The following BNIP5 variants were observed in gnomAD, a reference collection of about 807,000 sequenced individuals.
BNIP5 encodes the protein BCL2 interacting protein 5.
Under a neutral mutation model 67.3 loss-of-function variants are expected in BNIP5, and 61 were observed. The ratio of observed to expected loss-of-function variants is 0.91; its 90% CI spans 0.74 to 1.12. The LOEUF (loss-of-function observed/expected upper bound fraction) is 1.12, where lower values mean the gene tolerates loss of function less well. Ranked by LOEUF, BNIP5 falls within the 50% of genes most tolerant of loss-of-function variation. BNIP5 has a pLI of 0.00. For missense variants in BNIP5, 826 were observed against 816.3 expected, an observed-to-expected ratio of 1.01 and a Z score of -0.14; for synonymous variants, 317 against 319.0, an observed-to-expected ratio of 0.99 and a Z score of 0.07.
At position 36,330,584 on chromosome 6, in the gene BNIP5, C is replaced by G; in HGVS notation, c.107G>C (p.Trp36Ser). 1 of 1,613,268 alleles carries G rather than the reference C, an allele frequency of 6.2e-7. No homozygotes were observed. Among genetic ancestry groups the G allele is most frequent in the Non-Finnish European group, 8.5e-7 (1 of 1,180,022 alleles). Residue 36 changes from tryptophan to serine, a missense_variant, in exon 2 of 12, where the codon TGG becomes TCG. Trp to Ser is a radical substitution (Grantham distance 177). Transcript: ENST00000437635. Reference protein sequence around the residue: ...GKGSESWDCHWLSLPTAPSRK... With the variant: ...GKGSESWDCHSLSLPTAPSRK... ...GGAGGGGGCAGTGGGCAGGGAGAGC[C>G]AATGGCAGTCCCACGACTCCGAGCC...
At chr6:36,328,407 C>T (rs1194304079) in intron 3 of BNIP5, among the ~76,000 whole-genome samples, 191 bp downstream of exon 3, 1 of 152,120 alleles carries the variant, frequency 6.6e-6, no homozygotes, top group African/African-American at 2.4e-5. Context: ...TTTCCAATTC[C>T]CCAGCCTCCC....
intron 10 of BNIP5, among the ~76,000 whole-genome samples, chr6:36,320,711 T>G (rs1178748264): frequency 6.6e-6 from 1 of 152,184 alleles, no homozygotes; most frequent in Non-Finnish European, 1.5e-5. Flanking sequence ...ATCAACAAGC[T>G]TGAAAGAATG....
intron 1 of BNIP5, among the ~76,000 whole-genome samples, chr6:36,332,525 G>A (rs932292008): frequency 3.9e-5 from 6 of 152,140 alleles, no homozygotes; most frequent in African/African-American, 1.4e-4. Context: ...CACTCAATAA[G>A]CACTTATTAA....
chr6:36,326,443 C>T (rs1771762041), intron 5 of BNIP5, 67 bp downstream of exon 5: 1 of 1,595,624 alleles, frequency 6.3e-7, no homozygotes, highest in South Asian at 1.1e-5. Flanking sequence ...TCAATTCCAT[C>T]CCCAGGGAAG....
chr6:36,334,382 T>G (rs545453513), intron 1 of BNIP5, among the ~76,000 whole-genome samples: 30 of 152,256 alleles, frequency 2.0e-4, no homozygotes, highest in African/African-American at 6.5e-4. Context: ...GTTTCCTAAT[T>G]CCAAATCCAG....
In BNIP5 at chr6:36,332,070, G is replaced by T. The variant is rs1428727790; in HGVS notation, c.-4-1376C>A. ...AAAGTTACTTCCCTTCCTCCAAGAG[G>T]TCCCCTTTCACTCAAAGTCTTTAAA... On this transcript the variant is annotated intron_variant, in intron 1 of 11. Transcript: ENST00000437635. 3.3e-5 allele frequency among the ~76,000 whole-genome samples: 5 copies of T among 152,132 alleles called. No individual in the cohort carries two copies. The East Asian group carries it at 9.7e-4, about 29-fold the overall frequency.
At chr6:36,328,547 T>A in intron 3 of BNIP5, 51 bp downstream of exon 3, 1 of 1,093,062 alleles carries the variant, frequency 9.1e-7, no homozygotes, top group Non-Finnish European at 1.4e-6. Flanking sequence ...TCTCATTCAG[T>A]AACAGCCACC....
chr6:36,320,918 A>G (rs1014418341), intron 10 of BNIP5, among the ~76,000 whole-genome samples: 4 of 152,230 alleles, frequency 2.6e-5, no homozygotes, highest in Non-Finnish European at 5.9e-5. Context: ...GGGAGGCCAC[A>G]TGAGCGTTGT....
At chr6:36,322,204 G>T in intron 9 of BNIP5, 107 bp downstream of exon 9, 1 of 1,431,106 alleles carries the variant, frequency 7.0e-7, no homozygotes, top group Non-Finnish European at 9.8e-7. Context: ...TTTGCCTGCT[G>T]CCTTCCCCAT....
chr6:36,323,221 G>C (rs922714119), intron 8 of BNIP5, 72 bp downstream of exon 8: 4 of 1,590,146 alleles, frequency 2.5e-6, no homozygotes, highest in Non-Finnish European at 3.4e-6. Flanking sequence ...GCCTGTCAAC[G>C]ACAGACAGGC....
chr6:36,321,730 CAG>C (rs1361045497), intron 9 of BNIP5, among the ~76,000 whole-genome samples: 1 of 152,158 alleles, frequency 6.6e-6, no homozygotes, highest in Non-Finnish European at 1.5e-5. Context: ...TTGTTTTAGA[CAG>C]AGTCTCGCTC....
chr6:36,330,442 A>G lies in BNIP5; in HGVS notation c.249T>C (p.Asp83=), dbSNP rs769060896. ...AAAPTPEETG[D]FLPSEQRPSQ... is the part of the protein sequence containing the mutation. ...AAGGCCTCTGCTCGCTGGGGAGAAA[A>G]TCTCCGGTCTCCTCGGGAGTGGGGG... The change falls in exon 2 of 12, where the codon GAT becomes GAC. Residue 83 remains aspartate, a synonymous_variant. Coordinates refer to ENST00000437635, the MANE Select transcript of BNIP5 (RefSeq NM_001010903.5). 7 of 1,613,760 alleles carry G rather than the reference A, an allele frequency of 4.3e-6. No homozygotes were observed. In the East Asian group the frequency reaches 1.3e-4, roughly 31 times the overall value.
intron 2 of BNIP5, among the ~76,000 whole-genome samples, chr6:36,329,875 AAG>A (rs1217859640): frequency 6.7e-6 from 1 of 149,010 alleles, no homozygotes; most frequent in Non-Finnish European, 1.5e-5. Context: ...AAAAGAGAGA[AAG>A]AAGAAGGAGG....
At chr6:36,325,460 C>A (rs1195617372) in intron 5 of BNIP5, 46 bp from the exon 6 acceptor site, 2 of 1,571,226 alleles carry the variant, frequency 1.3e-6, no homozygotes, top group East Asian at 4.5e-5. Flanking sequence ...CTGTCTGGGG[C>A]TGTTAACTAT....
rs1771592315 is a variant in BNIP5, at chr6:36,319,598, G to A, written c.1681C>T (p.Pro561Ser). ...GQLGQQIRRHPSFKRFFYEFS... is the reference protein window; with the variant it reads ...GQLGQQIRRHSSFKRFFYEFS... ...TCGTAAAAAAACCTCTTAAAGCTGG[G>A]GTGGCGCCTGATCTGGAAGTGGAAA... is the stretch of plus-strand genomic sequence containing the variant. The change falls in exon 11 of 12, where the codon CCC becomes TCC. Residue 561 changes from proline (P) to serine (S), a missense_variant. Pro to Ser is a moderately conservative substitution (Grantham distance 74). Coordinates refer to ENST00000437635, the MANE Select transcript of BNIP5 (RefSeq NM_001010903.5). 6.2e-7 allele frequency: 1 copy of A among 1,610,946 alleles called. No individual in the cohort carries two copies. Among genetic ancestry groups the A allele is most frequent in the Non-Finnish European group, 8.5e-7 (1 of 1,177,374 alleles).
At chr6:36,330,726 TTTTGTTTGTTTGTTTTGATTTG>T (rs745733138) in intron 1 of BNIP5, 32 bp from the exon 2 acceptor site, 2 of 1,517,466 alleles carry the variant, frequency 1.3e-6, no homozygotes, top group East Asian at 2.3e-5. Context: ...CCCTTAGTTT[TTTTGTTTGTTTGTTTTGATTTG>T]TTTGTTTGTT....
At chr6:36,329,442 C>G (rs7750388) in intron 2 of BNIP5, among the ~76,000 whole-genome samples, 8,697 of 152,308 alleles carry the variant, frequency 0.057, 267 homozygotes, top group Middle Eastern at 0.085. Flanking sequence ...CCCTGGGCCA[C>G]ACAGCTTGTG....
At position 36,316,538 on chromosome 6, in the gene BNIP5, G is replaced by A. The variant is rs1771519255; in HGVS notation, c.*818C>T. On this transcript the variant is annotated 3_prime_UTR_variant, in exon 12 of 12. Transcript: ENST00000437635. Reference sequence around the variant, plus strand: ...TCCTGGAGTATGGTGCTCTTGAGCAGTGCACCCCTGTGCAACAATCCATGG... The same window carrying A: ...TCCTGGAGTATGGTGCTCTTGAGCAATGCACCCCTGTGCAACAATCCATGG... 5.0e-6 allele frequency: 2 copies of A among 398,678 alleles called. No homozygotes were observed. The highest frequency in any genetic ancestry group is 3.6e-5 in the East Asian group (1 of 28,086). 24.7% of individuals were successfully genotyped at this position (398,678 alleles called of 1,614,324 possible). A position where few individuals can be genotyped will look rare whatever the true frequency, so the allele number is the denominator to read the frequency against.
At chr6:36,324,461 T>G (rs1323088284) in intron 6 of BNIP5, among the ~76,000 whole-genome samples, 1 of 150,398 alleles carries the variant, frequency 6.6e-6, no homozygotes, top group Non-Finnish European at 1.5e-5. Flanking sequence ...ACCTTCTCCC[T>G]GTCCAGGCAG....
Sources: gnomAD v4.1 joint callset for allele counts (sites outside exome capture counted in the v4.1 genomes callset) on GRCh38, gnomAD v4.1.1 for gene constraint, MANE v1.5 for transcripts, NCBI Gene and HGNC (gene_info 2026-07-23, HGNC 2026-07-21) for gene names.